The following COL21A1 variants were observed in gnomAD, a reference collection of about 807,000 sequenced individuals.
COL21A1 encodes the protein collagen type XXI alpha 1 chain, also known as collagen alpha-1(XXI) chain.
Under a neutral mutation model 137.9 loss-of-function variants are expected in COL21A1, and 149 were observed. That is an observed-to-expected ratio of 1.08 (90% confidence interval 0.95 to 1.24). COL21A1 has a LOEUF of 1.24. Ranked by LOEUF, COL21A1 falls within the 50% of genes most tolerant of loss-of-function variation. The pLI, the probability that COL21A1 is intolerant of heterozygous loss-of-function variation, is 0.00. For synonymous variants in COL21A1, 456 were observed against 391.5 expected (o/e 1.16, Z -1.95); for missense variants, 1,167 against 1,158.4 (o/e 1.01, Z -0.11).
chr6:56,385,538 C>T (rs971336702), intron 1 of COL21A1, among the ~76,000 whole-genome samples: 3 of 152,094 alleles, frequency 2.0e-5, no homozygotes, highest in African/African-American at 4.8e-5. Flanking sequence ...TCCTCCTCCA[C>T]TTTTTCTGAC....
intron 17 of COL21A1, among the ~76,000 whole-genome samples, chr6:56,098,452 T>A (rs867722077): frequency 9.8e-4 from 24 of 24,404 alleles, no homozygotes; most frequent in Admixed American, 1.7e-3. Flanking sequence ...TATATATATA[T>A]ATATAAATAT....
In COL21A1 at chr6:56,285,788, C is replaced by T. The variant is rs183205455; in HGVS notation, c.-38-103132G>A. ...TCCAGGACCCTGCTAACCCCTCCCCCACCCTCCCTCATTAGCCCACCATCT... is the reference window on the plus strand; with the variant it reads ...TCCAGGACCCTGCTAACCCCTCCCCTACCCTCCCTCATTAGCCCACCATCT... On this transcript the variant is annotated intron_variant, in intron 1 of 28. Transcript: ENST00000370819. Among the ~76,000 whole-genome samples the T allele has an allele frequency of 3.3e-5, 5 of 151,074 alleles. No homozygotes were observed. In the East Asian group the frequency reaches 7.8e-4, roughly 24 times the overall value.
chr6:56,220,946 A>T (rs1021896946), intron 1 of COL21A1, among the ~76,000 whole-genome samples: 1 of 152,108 alleles, frequency 6.6e-6, no homozygotes, highest in African/African-American at 2.4e-5. Context: ...AGGTCATATG[A>T]CCTCTGCTTT....
Position 56,060,062 on chromosome 6 carries a change from C to A in COL21A1, c.2564G>T (p.Gly855Val), listed in dbSNP as rs747729983. ...PGLPGRDGVP[G>V]LVGVPGRPGV... ...TGGACGTCCAGGGACACCCACTAAT[C>A]CAGGAACACCATCTCTTCCTGGCAA... Residue 855 changes from glycine (G) to valine (V), a missense_variant, in exon 28 of 30, where the codon GGA (glycine) becomes GTA (valine). Physicochemically the swap from Gly to Val is moderately radical, Grantham distance 109 (BLOSUM62 -3). Transcript: ENST00000244728. 29 of 1,610,202 alleles carry A rather than the reference C, an allele frequency of 1.8e-5. No homozygotes were observed. The highest frequency in any genetic ancestry group is 8.8e-5 in the South Asian group (8 of 90,528).
chr6:56,314,512 T>A (rs73461020), intron 1 of COL21A1, among the ~76,000 whole-genome samples: 23,710 of 152,020 alleles, frequency 0.16, 2,470 homozygotes, highest in African/African-American at 0.29. Flanking sequence ...CTAGGCTCAG[T>A]TCTAATGTAA....
chr6:56,179,951 A>C lies in COL21A1; in HGVS notation c.267T>G (p.Ile89Met), dbSNP rs1325718694. ...VQYSDYPVLE[I>M]PLGSYDSGEH... ...CTCCTGAATCATAGCTTCCGAGAGG[A>C]ATCTCCAGCACAGGGTAGTCACTAT... is the stretch of plus-strand genomic sequence containing the variant. Residue 89 changes from isoleucine to methionine, a missense_variant, in exon 3 of 30, where the codon ATT (isoleucine) becomes ATG (methionine). By Grantham distance (10) the Ile-to-Met change is conservative (BLOSUM62 1). Transcript: ENST00000244728. 1 of 1,613,936 alleles carries C rather than the reference A, an allele frequency of 6.2e-7. No individual in the cohort carries two copies. The highest frequency in any genetic ancestry group is 8.5e-7 in the Non-Finnish European group (1 of 1,179,864).
At chr6:56,252,845 T>A (rs772803471) in intron 1 of COL21A1, among the ~76,000 whole-genome samples, 5 of 152,170 alleles carry the variant, frequency 3.3e-5, no homozygotes, top group Non-Finnish European at 1.5e-5. Context: ...AAACAGCCAC[T>A]GCATGGAGAG....
chr6:56,058,270 A>G (rs1765502459), intron 29 of COL21A1, among the ~76,000 whole-genome samples: 1 of 152,178 alleles, frequency 6.6e-6, no homozygotes, highest in Non-Finnish European at 1.5e-5. Flanking sequence ...TTTCTATTAT[A>G]CATATTTTTA....
At chr6:56,284,417 A>ACTGTTATCT (rs1451883249) in intron 1 of COL21A1, among the ~76,000 whole-genome samples, 1 of 152,156 alleles carries the variant, frequency 6.6e-6, no homozygotes, top group African/African-American at 2.4e-5. Context: ...TGGAAAACTT[A>ACTGTTATCT]CTGTTATCTT....
Position 56,130,199 on chromosome 6 carries a change from A to T in COL21A1, c.1543-4050T>A, listed in dbSNP as rs1470879870. Among the ~76,000 whole-genome samples, 3 of 20,302 alleles carry T rather than the reference A, an allele frequency of 1.5e-4. No individual in the cohort carries two copies. The East Asian group carries it at 0.015, about 100-fold the overall frequency. 13.3% of individuals were successfully genotyped at this position (20,302 alleles called of 152,430 possible). A position where few individuals can be genotyped will look rare whatever the true frequency, so the allele number is the denominator to read the frequency against. On this transcript the variant is annotated intron_variant, in intron 12 of 29. Coordinates refer to ENST00000244728, the MANE Select transcript of COL21A1 (RefSeq NM_030820.4). ...TATATATATATATATATATATATAT[A>T]TATATATATATAAAATTTCAAATTA...
chr6:56,117,753 T>C (rs983248744), intron 16 of COL21A1, among the ~76,000 whole-genome samples: 1 of 151,860 alleles, frequency 6.6e-6, no homozygotes, highest in Non-Finnish European at 1.5e-5. Flanking sequence ...GATAATATAA[T>C]AAAGCTAAAA....
chr6:56,216,269 A>T (rs1452933999), intron 1 of COL21A1, among the ~76,000 whole-genome samples: 1 of 152,066 alleles, frequency 6.6e-6, no homozygotes, highest in East Asian at 1.9e-4. Flanking sequence ...AACCAAGCCA[A>T]CTCAGATACA....
At chr6:56,354,946 T>A (rs9367683) in intron 1 of COL21A1, among the ~76,000 whole-genome samples, 39,747 of 152,104 alleles carry the variant, frequency 0.26, 6,423 homozygotes, top group East Asian at 0.72. Context: ...TTGGTCACCA[T>A]TGGACAGTAA....
chr6:56,251,582 T>C (rs1034659718), upstream of COL21A1, among the ~76,000 whole-genome samples: 1 of 152,196 alleles, frequency 6.6e-6, no homozygotes, highest in Admixed American at 6.5e-5. Flanking sequence ...TGTGAGTGTG[T>C]ATGTGAAAAA....
rs578239526 is a variant in COL21A1 at position 56,306,197 on chromosome 6, C to T, written c.-39+87774G>A. Among the ~76,000 whole-genome samples the T allele has an allele frequency of 4.4e-4, 62 of 141,216 alleles. No homozygotes were observed. The South Asian group carries it at 0.016, about 37-fold the overall frequency. The allele number at this position is 141,216 out of a possible 152,430, so 92.6% of individuals were successfully genotyped here. ...TTCATTTCAACTTTGGTGAATCTGA[C>T]AATTATGTGTCTTGGAGTTGCTCTT... On this transcript the variant is annotated intron_variant, in intron 1 of 28. Coordinates refer to the COL21A1 transcript ENST00000370819.
In COL21A1 at chr6:56,101,495, GC is replaced by G; in HGVS notation, c.1788del (p.Gln597ArgfsTer19). 1.3e-6 allele frequency: 2 copies of G among 1,595,456 alleles called. No homozygotes were observed. Among genetic ancestry groups the G allele is most frequent in the Non-Finnish European group, 1.7e-6 (2 of 1,169,880 alleles). On this transcript the variant is annotated frameshift_variant, in exon 17 of 30. Coordinates refer to ENST00000244728, the MANE Select transcript of COL21A1 (RefSeq NM_030820.4). LOFTEE classifies it high-confidence loss of function. ...ACAGGCTCTCCCCGTGTTCCATCCT[GC>G]CCCGGAGCACCAGGGGATCCTGCTT... is the stretch of plus-strand genomic sequence containing the variant. Reference protein sequence around the residue: ...KGEAGSPGAPGQDGTRGEPGI... With the variant: ...KGEAGSPGAPXQDGTRGEPGI...
intron 1 of COL21A1, among the ~76,000 whole-genome samples, chr6:56,318,132 A>T (rs538809714): frequency 2.8e-4 from 42 of 152,168 alleles, no homozygotes; most frequent in Non-Finnish European, 5.3e-4. Context: ...GCCAAGACAG[A>T]TTTTAATTAT....
chr6:56,267,754 T>TAAAAAAAAAAAAAA (rs61326932), intron 1 of COL21A1, among the ~76,000 whole-genome samples: 1 of 131,436 alleles, frequency 7.6e-6, no homozygotes. Context: ...AAGACTCTGT[T>TAAAAAAAAAAAAAA]AAAAAAAAAA....
intron 17 of COL21A1, among the ~76,000 whole-genome samples, chr6:56,088,977 G>T (rs2114193055): frequency 6.6e-6 from 1 of 152,064 alleles, no homozygotes; most frequent in African/African-American, 2.4e-5. Flanking sequence ...GTAGAGATGG[G>T]GTTTTGCGAT....
Sources: gnomAD v4.1 joint callset for allele counts (sites outside exome capture counted in the v4.1 genomes callset) on GRCh38, gnomAD v4.1.1 for gene constraint, MANE v1.5 for transcripts, NCBI Gene and HGNC (gene_info 2026-07-23, HGNC 2026-07-21) for gene names.